PDE1C: variants seen among roughly 807,000 people sequenced by gnomAD.
PDE1C encodes the protein dual specificity calcium/calmodulin-dependent 3',5'-cyclic nucleotide phosphodiesterase 1C.
A neutral mutation model predicts 93.1 loss-of-function variants in PDE1C; 62 were observed. The observed-to-expected ratio is 0.67, with a 90% confidence interval of 0.54 to 0.82. The LOEUF is 0.82. Ranked by LOEUF, PDE1C falls within the 40% of genes least tolerant of loss-of-function variation. The pLI is 0.00. For missense variants in PDE1C, 742 were observed against 884.6 expected, an observed-to-expected ratio of 0.84 and a Z score of 2.04; for synonymous variants, 325 against 310.1, an observed-to-expected ratio of 1.05 and a Z score of -0.50.
intron 1 of PDE1C, among the ~76,000 whole-genome samples, chr7:32,364,293 T>C (rs189479670): frequency 6.6e-6 from 1 of 152,300 alleles, no homozygotes; most frequent in East Asian, 1.9e-4. Context: ...CTAGAGGTGA[T>C]TGGCGCACAT....
At chr7:31,804,854 G>A (rs1404464585) in intron 16 of PDE1C, among the ~76,000 whole-genome samples, 1 of 151,786 alleles carries the variant, frequency 6.6e-6, no homozygotes, top group East Asian at 2.0e-4. Flanking sequence ...AACCAGTACA[G>A]TGCGGATAAT....
chr7:32,243,811 G>A (rs1263444354), intron 1 of PDE1C, among the ~76,000 whole-genome samples: 1 of 152,228 alleles, frequency 6.6e-6, no homozygotes, highest in Non-Finnish European at 1.5e-5. Flanking sequence ...TGAGCCCTTA[G>A]TAGCAAATCA....
intron 1 of PDE1C, chr7:32,209,541 T>TA: frequency 6.5e-7 from 1 of 1,542,172 alleles, no homozygotes; most frequent in Non-Finnish European, 8.7e-7. Flanking sequence ...CATTTGCAAC[T>TA]AGAAAAAAAA....
intron 1 of PDE1C, among the ~76,000 whole-genome samples, chr7:32,222,599 G>T (rs1214868704): frequency 6.6e-6 from 1 of 152,136 alleles, no homozygotes; most frequent in East Asian, 1.9e-4. Context: ...ACAATTTGGG[G>T]GTTACAAACT....
At chr7:32,325,592 T>C (rs1783390017) in intron 1 of PDE1C, among the ~76,000 whole-genome samples, 1 of 152,244 alleles carries the variant, frequency 6.6e-6, no homozygotes, top group South Asian at 2.1e-4. Context: ...AGATCTAAGA[T>C]GCAGGGACTT....
At chr7:31,883,525 C>T (rs1255856199) in intron 2 of PDE1C, among the ~76,000 whole-genome samples, 1 of 152,244 alleles carries the variant, frequency 6.6e-6, no homozygotes, top group Non-Finnish European at 1.5e-5. Flanking sequence ...AACACTTCCT[C>T]TCCCACTTTT....
intron 1 of PDE1C, among the ~76,000 whole-genome samples, chr7:32,389,555 T>C (rs918443346): frequency 3.9e-5 from 6 of 152,092 alleles, no homozygotes; most frequent in African/African-American, 1.4e-4. Flanking sequence ...AAGTTGAAAA[T>C]GATGACACTT....
At chr7:31,705,335 G>A in the PDE1C span, among the ~76,000 whole-genome samples, 1 of 152,168 alleles carries the variant, frequency 6.6e-6, no homozygotes, top group Non-Finnish European at 1.5e-5. Context: ...TTGGCTTAAT[G>A]TGAAGAGATA....
the PDE1C span, among the ~76,000 whole-genome samples, chr7:31,649,974 C>G: frequency 6.6e-6 from 1 of 152,086 alleles, no homozygotes; most frequent in African/African-American, 2.4e-5. Flanking sequence ...AGTAGGGGCT[C>G]AGTAGAGTCA....
chr7:32,355,222 G>A (rs1433931882), intron 1 of PDE1C, among the ~76,000 whole-genome samples: 1 of 152,220 alleles, frequency 6.6e-6, no homozygotes, highest in East Asian at 1.9e-4. Context: ...CATGAAAGCT[G>A]CCCTGGCAGT....
At chr7:31,699,348 G>A in the PDE1C span, among the ~76,000 whole-genome samples, 10 of 152,264 alleles carry the variant, frequency 6.6e-5, no homozygotes, top group East Asian at 1.9e-3. Flanking sequence ...TAACAGAGAG[G>A]GGAGCAAGCT....
intron 15 of PDE1C, among the ~76,000 whole-genome samples, chr7:31,811,026 T>A (rs1787478144): frequency 6.6e-6 from 1 of 152,048 alleles, no homozygotes; most frequent in African/African-American, 2.4e-5. Context: ...CGTGATATGG[T>A]TTGGCTGTGT....
the PDE1C span, among the ~76,000 whole-genome samples, chr7:31,629,029 C>T: frequency 6.6e-6 from 1 of 152,048 alleles, no homozygotes; most frequent in African/African-American, 2.4e-5. Context: ...AAAAAATTGG[C>T]GTTACAAAAT....
chr7:32,312,757 A>G (rs1299002361), intron 1 of PDE1C, among the ~76,000 whole-genome samples: 3 of 152,130 alleles, frequency 2.0e-5, no homozygotes, highest in Non-Finnish European at 2.9e-5. Context: ...ATTAATTCAA[A>G]ATGGATTAAA....
chr7:32,088,514 C>CCCCCAT (rs1293803801), intron 3 of PDE1C, among the ~76,000 whole-genome samples: 1 of 152,248 alleles, frequency 6.6e-6, no homozygotes, highest in East Asian at 1.9e-4. Flanking sequence ...GGCCGGAGCC[C>CCCCCAT]TGCAGTGGTG....
the PDE1C span, among the ~76,000 whole-genome samples, chr7:31,622,000 G>A: frequency 4.2e-5 from 6 of 142,784 alleles, no homozygotes; most frequent in Middle Eastern, 7.0e-3. Context: ...GATCAAAAGA[G>A]ACAAAGAAGG....
chr7:31,642,666 C>A, the PDE1C span: 9 of 1,608,376 alleles, frequency 5.6e-6, no homozygotes, highest in Non-Finnish European at 7.6e-6. Context: ...TCCCTTTGTC[C>A]TGGTTTCCCC....
intron 2 of PDE1C, among the ~76,000 whole-genome samples, chr7:31,965,933 T>C (rs1462303002): frequency 6.6e-6 from 1 of 152,176 alleles, no homozygotes; most frequent in East Asian, 1.9e-4. Context: ...CCACCAGGCC[T>C]GCCCTAAAAG....
chr7:32,113,190 A>G (rs1798770717), intron 3 of PDE1C, among the ~76,000 whole-genome samples: 1 of 145,072 alleles, frequency 6.9e-6, no homozygotes, highest in Non-Finnish European at 1.5e-5. Context: ...CTGTAGTTCC[A>G]CCCGAGGGAA....
Sources: gnomAD v4.1 joint callset for allele counts (sites outside exome capture counted in the v4.1 genomes callset) on GRCh38, gnomAD v4.1.1 for gene constraint, MANE v1.5 for transcripts, NCBI Gene and HGNC (gene_info 2026-07-23, HGNC 2026-07-21) for gene names.